The following DTNB variants were observed in gnomAD, a reference collection of about 807,000 sequenced individuals.
The protein encoded by DTNB is dystrobrevin beta, also known as DTN-B.
DTNB carries 63 observed loss-of-function variants against 90.7 expected under a neutral mutation model. That is an observed-to-expected ratio of 0.69 (90% CI 0.57 to 0.86). The LOEUF (loss-of-function observed/expected upper bound fraction) is 0.86, where lower values mean the gene tolerates loss of function less well. Among genes scored for constraint, DTNB ranks in the 40% least tolerant of loss-of-function variants. The probability of loss-of-function intolerance (pLI) is 0.00; values close to 1 mark genes in which losing one functional copy is unlikely to be tolerated. For synonymous variants in DTNB, 277 were observed against 286.7 expected (o/e 0.97, Z 0.34); for missense variants, 744 against 807.1 (o/e 0.92, Z 0.95).
chr2:25,530,612 TCA>T (rs544015423), intron 9 of DTNB, among the ~76,000 whole-genome samples: 97 of 152,270 alleles, frequency 6.4e-4, no homozygotes, highest in Non-Finnish European at 1.2e-3. Flanking sequence ...AATTTGTAAT[TCA>T]CATGCATGGA....
intron 8 of DTNB, among the ~76,000 whole-genome samples, chr2:25,549,203 GATAT>G (rs1371209198): frequency 1.3e-5 from 2 of 151,222 alleles, no homozygotes; most frequent in Admixed American, 6.6e-5. Context: ...TTTGATTACT[GATAT>G]ATATATCAGT....
intron 9 of DTNB, among the ~76,000 whole-genome samples, chr2:25,508,019 AG>A (rs1233585343): frequency 6.6e-6 from 1 of 152,222 alleles, no homozygotes; most frequent in Non-Finnish European, 1.5e-5. Flanking sequence ...CTTTTCATTA[AG>A]GCCTAAAGCA....
intron 9 of DTNB, among the ~76,000 whole-genome samples, chr2:25,494,946 C>CA (rs779182738): frequency 3.2e-4 from 49 of 151,656 alleles, no homozygotes; most frequent in Non-Finnish European, 1.3e-4. Context: ...AAATCTACAA[C>CA]AAAAAAATGT....
intron 9 of DTNB, among the ~76,000 whole-genome samples, chr2:25,488,014 G>A (rs1394738320): frequency 6.6e-6 from 1 of 152,182 alleles, no homozygotes; most frequent in Admixed American, 6.5e-5. Flanking sequence ...AAGCGTGCAT[G>A]GGAATCCTCT....
chr2:25,575,097 G>A (rs1001765538), intron 8 of DTNB, among the ~76,000 whole-genome samples: 3 of 151,834 alleles, frequency 2.0e-5, no homozygotes, highest in Admixed American at 6.6e-5. Context: ...TCAAACCAGG[G>A]GGAATAAGAA....
chr2:25,644,560 C>T (rs1167971889), intron 2 of DTNB, among the ~76,000 whole-genome samples: 1 of 151,936 alleles, frequency 6.6e-6, no homozygotes, highest in Non-Finnish European at 1.5e-5. Context: ...TTGAGACAGC[C>T]TGGCCAACAT....
chr2:25,499,492 A>G (rs1292188958), intron 9 of DTNB, among the ~76,000 whole-genome samples: 2 of 152,188 alleles, frequency 1.3e-5, no homozygotes, highest in African/African-American at 2.4e-5. Context: ...TTAGGCCCCA[A>G]TCTTGTTCCA....
chr2:25,442,909 G>C (rs1202485646), intron 12 of DTNB, among the ~76,000 whole-genome samples: 2 of 152,132 alleles, frequency 1.3e-5, no homozygotes, highest in Admixed American at 1.3e-4. Flanking sequence ...AAAATATCCA[G>C]CACAGGGTTA....
intron 8 of DTNB, among the ~76,000 whole-genome samples, chr2:25,533,943 T>A (rs949288231): frequency 6.7e-6 from 1 of 149,404 alleles, no homozygotes; most frequent in Non-Finnish European, 1.5e-5. Flanking sequence ...TTTTTATTTT[T>A]ATTTATTTAT....
chr2:25,647,753 T>A lies in DTNB; in HGVS notation c.67+4841A>T, dbSNP rs1020761421. ...CAACCAACTGATCAATAAAAAGATA[T>A]TTTTAAGTAATTAATAATAAAAATT... is the stretch of plus-strand genomic sequence containing the variant. On this transcript the variant is annotated intron_variant, in intron 2 of 20. Coordinates refer to ENST00000406818, the MANE Select transcript of DTNB (RefSeq NM_021907.5). Among the ~76,000 whole-genome samples, 4 of 152,068 alleles carry A rather than the reference T, an allele frequency of 2.6e-5. No homozygotes were observed. In the South Asian group the frequency reaches 8.3e-4, roughly 32 times the overall value.
chr2:25,453,550 GC>G (rs1220040676), intron 11 of DTNB, among the ~76,000 whole-genome samples: 1 of 152,182 alleles, frequency 6.6e-6, no homozygotes, highest in Non-Finnish European at 1.5e-5. Flanking sequence ...CAGGGCCTTA[GC>G]TAAACCTACC....
intron 9 of DTNB, among the ~76,000 whole-genome samples, chr2:25,499,033 T>C (rs1202946838): frequency 6.6e-6 from 1 of 151,572 alleles, no homozygotes; most frequent in Non-Finnish European, 1.5e-5. Flanking sequence ...CTAGCCAACA[T>C]GGTGAAACAC....
chr2:25,382,519 C>CTTTTT lies in DTNB; in HGVS notation c.1879+1312_1879+1316dup, dbSNP rs3041261. Among the ~76,000 whole-genome samples the CTTTTT allele has an allele frequency of 3.3e-3, 238 of 72,058 alleles. 25 individuals carry two copies. Among genetic ancestry groups the CTTTTT allele is most frequent in the African/African-American group, 0.013 (210 of 16,568 alleles). The allele number at this position is 72,058 out of a possible 152,430, so 47.3% of individuals were successfully genotyped here. On this transcript the variant is annotated intron_variant, in intron 19 of 20. Coordinates refer to ENST00000406818, the MANE Select transcript of DTNB (RefSeq NM_021907.5). ...GAGTCAGAAAGACCCAGTTCTCTGC[C>CTTTTT]TTTTTTTTTTTTTTTTTTTTTTTTT...
At chr2:25,455,948 T>C (rs1456973869) in intron 10 of DTNB, among the ~76,000 whole-genome samples, 2 of 152,278 alleles carry the variant, frequency 1.3e-5, no homozygotes, top group Non-Finnish European at 2.9e-5. Flanking sequence ...TGTTACTTCA[T>C]GTTGCCAGTT....
chr2:25,462,259 T>A (rs142734395), intron 10 of DTNB, among the ~76,000 whole-genome samples: 1 of 152,098 alleles, frequency 6.6e-6, no homozygotes, highest in East Asian at 1.9e-4. Flanking sequence ...AGGCAAGCCA[T>A]CAGGAGGCAC....
At chr2:25,672,203 CAAAAAAAAAAAAAAAA>C (rs5829985) in intron 1 of DTNB, among the ~76,000 whole-genome samples, 27 of 42,472 alleles carry the variant, frequency 6.4e-4, no homozygotes, top group South Asian at 2.0e-3. Context: ...CCTCGCATAG[CAAAAAAAAAAAAAAAA>C]AAAAAAAAAA....
At chr2:25,422,395 CTTTTTTTTTT>C (rs146697158) in intron 15 of DTNB, among the ~76,000 whole-genome samples, 7 of 82,942 alleles carry the variant, frequency 8.4e-5, no homozygotes, top group South Asian at 9.6e-4. Context: ...CTTTTCTCTT[CTTTTTTTTTT>C]TTTTTTTTTT....
intron 8 of DTNB, among the ~76,000 whole-genome samples, chr2:25,543,792 C>T (rs2081868037): frequency 6.6e-6 from 1 of 151,866 alleles, no homozygotes; most frequent in Non-Finnish European, 1.5e-5. Flanking sequence ...GAAATTTGCT[C>T]TTTGAGTTTA....
At chr2:25,497,753 G>A (rs942816332) in intron 9 of DTNB, 1 of 152,118 alleles carries the variant, frequency 6.6e-6, no homozygotes, top group Non-Finnish European at 1.5e-5. Flanking sequence ...GTCATTCTGT[G>A]GCCTCTTATT....
Sources: allele counts gnomAD v4.1 joint callset (sites outside exome capture counted in the v4.1 genomes callset), GRCh38; gene constraint gnomAD v4.1.1; transcripts MANE v1.5; gene names NCBI Gene and HGNC (gene_info 2026-07-23, HGNC 2026-07-21).